OR1J2: variants seen among roughly 807,000 people sequenced by gnomAD.
The protein encoded by OR1J2 is olfactory receptor 1J2.
For missense variants in OR1J2, 304 were observed against 246.1 expected (o/e 1.24, Z -1.57); for synonymous variants, 142 against 99.7 (o/e 1.42, Z -2.52).
the OR1J2 span, among the ~76,000 whole-genome samples, chr9:122,456,560 C>A: frequency 2.0e-5 from 3 of 152,030 alleles, no homozygotes; most frequent in Admixed American, 6.6e-5. Flanking sequence ...GCTAACAGAA[C>A]CTTTAGGGAA....
chr9:122,477,676 T>G, the OR1J2 span: 3 of 1,614,158 alleles, frequency 1.9e-6, no homozygotes, highest in Non-Finnish European at 2.5e-6. Flanking sequence ...AGTCTGCATG[T>G]TCATCAGCAT....
the OR1J2 span, among the ~76,000 whole-genome samples, chr9:122,545,329 A>G: frequency 0.043 from 6,519 of 152,230 alleles, 490 homozygotes; most frequent in African/African-American, 0.15. Flanking sequence ...GTAAGTATCA[A>G]TTAGGTAAAG....
the OR1J2 span, among the ~76,000 whole-genome samples, chr9:122,539,687 C>T: frequency 2.6e-5 from 4 of 152,180 alleles, no homozygotes; most frequent in Non-Finnish European, 4.4e-5. Flanking sequence ...GAGGAATCGC[C>T]ACACTGACTT....
the OR1J2 span, among the ~76,000 whole-genome samples, chr9:122,528,066 C>T: frequency 1.9e-3 from 287 of 152,292 alleles, 1 homozygote; most frequent in African/African-American, 6.4e-3. Flanking sequence ...AGAGACTGTA[C>T]CATCAGTCAA....
At chr9:122,519,146 G>C in the OR1J2 span, 1 of 1,591,310 alleles carries the variant, frequency 6.3e-7, no homozygotes, top group South Asian at 1.1e-5. Flanking sequence ...TCAGCATGAA[G>C]AGGGAGAATC....
At chr9:122,454,766 C>T in the OR1J2 span, among the ~76,000 whole-genome samples, 1 of 152,146 alleles carries the variant, frequency 6.6e-6, no homozygotes, top group Non-Finnish European at 1.5e-5. Flanking sequence ...GGACGCATCA[C>T]CTATGGTCAG....
chr9:122,534,722 T>C, the OR1J2 span, among the ~76,000 whole-genome samples: 7 of 152,016 alleles, frequency 4.6e-5, no homozygotes, highest in South Asian at 6.3e-4. Flanking sequence ...TCAGCGATGC[T>C]TGGGGTTGGG....
chr9:122,560,624 T>A, the OR1J2 span, among the ~76,000 whole-genome samples: 10 of 152,308 alleles, frequency 6.6e-5, no homozygotes, highest in African/African-American at 2.4e-4. Flanking sequence ...GCGTTGAAAA[T>A]TCTTCTCTTT....
the OR1J2 span, among the ~76,000 whole-genome samples, chr9:122,468,819 C>T: frequency 6.6e-6 from 1 of 152,202 alleles, no homozygotes; most frequent in Non-Finnish European, 1.5e-5. Flanking sequence ...GACTAACCTC[C>T]TATGAACCTC....
the OR1J2 span, among the ~76,000 whole-genome samples, chr9:122,569,814 A>T: frequency 5.3e-5 from 8 of 151,948 alleles, no homozygotes; most frequent in Non-Finnish European, 1.2e-4. Context: ...TATCTCCTAA[A>T]GCTATCCCTC....
At chr9:122,564,649 G>A in the OR1J2 span, among the ~76,000 whole-genome samples, 2 of 152,216 alleles carry the variant, frequency 1.3e-5, no homozygotes, top group Non-Finnish European at 2.9e-5. Flanking sequence ...GCTTCACCAA[G>A]CAGTGACTCC....
chr9:122,467,759 C>A, the OR1J2 span, among the ~76,000 whole-genome samples: 1 of 152,194 alleles, frequency 6.6e-6, no homozygotes, highest in Non-Finnish European at 1.5e-5. Flanking sequence ...TACTAAAAGA[C>A]CAAACAACCA....
downstream of OR1J2, among the ~76,000 whole-genome samples, chr9:122,516,471 T>C (rs996547529): frequency 6.6e-6 from 1 of 151,652 alleles, no homozygotes; most frequent in Non-Finnish European, 1.5e-5. Context: ...GCCCGGCTAA[T>C]TTTTTGTATT....
chr9:122,577,985 C>T, the OR1J2 span, among the ~76,000 whole-genome samples: 70,546 of 152,016 alleles, frequency 0.46, 17,017 homozygotes, highest in African/African-American at 0.6. Context: ...ATACTAAAAA[C>T]ATTGCCAAGT....
chr9:122,526,359 T>C, the OR1J2 span: 1 of 1,487,376 alleles, frequency 6.7e-7, no homozygotes. Flanking sequence ...TCACCACATC[T>C]AAGAGGAAAC....
chr9:122,449,289 G>T, the OR1J2 span, among the ~76,000 whole-genome samples: 296 of 152,298 alleles, frequency 1.9e-3, 2 homozygotes, highest in Non-Finnish European at 3.3e-3. Context: ...ATCTCAGCTT[G>T]GGCATTGCAC....
At chr9:122,520,886 A>G in the OR1J2 span, among the ~76,000 whole-genome samples, 3 of 152,102 alleles carry the variant, frequency 2.0e-5, no homozygotes, top group South Asian at 2.1e-4. Context: ...TCTATCTTCT[A>G]TGGTCTCCGC....
At chr9:122,569,001 C>T in the OR1J2 span, among the ~76,000 whole-genome samples, 1 of 152,072 alleles carries the variant, frequency 6.6e-6, no homozygotes, top group Non-Finnish European at 1.5e-5. Flanking sequence ...GACACTCTTT[C>T]CCTATCAAAG....
chr9:122,484,902 T>C, the OR1J2 span, among the ~76,000 whole-genome samples: 4 of 152,018 alleles, frequency 2.6e-5, no homozygotes, highest in African/African-American at 9.7e-5. Flanking sequence ...GGAATGGTGG[T>C]ATGCGCCTGT....
Sources: allele counts gnomAD v4.1 joint callset (sites outside exome capture counted in the v4.1 genomes callset), GRCh38; gene constraint gnomAD v4.1.1; transcripts MANE v1.5; gene names NCBI Gene and HGNC (gene_info 2026-07-23, HGNC 2026-07-21).